Variants in ZFHX3 observed in about 807,000 individuals in gnomAD.
ZFHX3 encodes zinc finger homeobox 3.
A neutral mutation model predicts 279.1 loss-of-function variants in ZFHX3; 42 were observed. The ratio of observed to expected loss-of-function variants is 0.15; its 90% CI spans 0.12 to 0.19. The LOEUF (loss-of-function observed/expected upper bound fraction) is 0.19. Among genes scored for constraint, ZFHX3 ranks in the 10% least tolerant of loss-of-function variants. The pLI is 1.00. For synonymous variants in ZFHX3, 2,293 were observed against 1,957.8 expected, an observed-to-expected ratio of 1.17 and a Z score of -4.52; for missense variants, 4,981 against 4,754.0, an observed-to-expected ratio of 1.05 and a Z score of -1.40.
intron 5 of ZFHX3, among the ~76,000 whole-genome samples, chr16:73,179,765 G>T (rs111451223): frequency 0.016 from 2,416 of 152,244 alleles, 41 homozygotes; most frequent in Non-Finnish European, 0.022. Flanking sequence ...AATCCACTGG[G>T]CCCTATCAGT....
chr16:73,370,792 A>C (rs1350677317), intron 3 of ZFHX3, among the ~76,000 whole-genome samples: 1 of 152,164 alleles, frequency 6.6e-6, no homozygotes, highest in Non-Finnish European at 1.5e-5. Context: ...TGAATGCTTA[A>C]AAACTCAACC....
chr16:73,243,039 G>T (rs2013171651), intron 5 of ZFHX3, among the ~76,000 whole-genome samples: 1 of 152,208 alleles, frequency 6.6e-6, no homozygotes, highest in Non-Finnish European at 1.5e-5. Context: ...GGAGTGTGTG[G>T]TTAAATGAGT....
chr16:73,168,963 G>A (rs932255410), intron 5 of ZFHX3, among the ~76,000 whole-genome samples: 3 of 152,030 alleles, frequency 2.0e-5, no homozygotes, highest in African/African-American at 4.8e-5. Flanking sequence ...CCTTATCTGC[G>A]ACTCCAAACT....
intron 2 of ZFHX3, among the ~76,000 whole-genome samples, chr16:73,480,470 AGG>A (rs2018846028): frequency 6.6e-6 from 1 of 152,182 alleles, no homozygotes; most frequent in Non-Finnish European, 1.5e-5. Context: ...GCCACTGCTA[AGG>A]ATGAGGCAAA....
intron 3 of ZFHX3, among the ~76,000 whole-genome samples, chr16:73,369,471 C>A (rs975913041): frequency 6.6e-6 from 1 of 152,220 alleles, no homozygotes; most frequent in Non-Finnish European, 1.5e-5. Flanking sequence ...GCCTTAGCTA[C>A]AATCTGTGGT....
chr16:73,270,030 G>A (rs1183397445), intron 4 of ZFHX3, among the ~76,000 whole-genome samples: 2 of 152,112 alleles, frequency 1.3e-5, no homozygotes, highest in Non-Finnish European at 2.9e-5. Flanking sequence ...TTACAGGTAC[G>A]AGCCACCATG....
At chr16:73,272,963 T>C (rs2014190567) in intron 4 of ZFHX3, among the ~76,000 whole-genome samples, 2 of 152,036 alleles carry the variant, frequency 1.3e-5, no homozygotes, top group South Asian at 4.1e-4. Flanking sequence ...CCTGGGCTGG[T>C]CTTGAACTAC....
intron 1 of ZFHX3, among the ~76,000 whole-genome samples, chr16:73,805,950 T>C (rs936988313): frequency 6.6e-6 from 1 of 152,138 alleles, no homozygotes; most frequent in African/African-American, 2.4e-5. Context: ...TAAAGACAAC[T>C]GCGACTGGGT....
chr16:72,902,225 G>T (rs545975593), intron 3 of ZFHX3, among the ~76,000 whole-genome samples: 1 of 152,180 alleles, frequency 6.6e-6, no homozygotes, highest in South Asian at 2.1e-4. Flanking sequence ...CATCCTAACG[G>T]ATGACAGAGT....
At chr16:73,655,619 G>A (rs541497107) in intron 2 of ZFHX3, among the ~76,000 whole-genome samples, 5 of 152,128 alleles carry the variant, frequency 3.3e-5, no homozygotes, top group East Asian at 1.9e-4. Flanking sequence ...TAATAATTAT[G>A]GTTATGCAAA....
At chr16:73,009,249 T>C (rs1214994505) in intron 1 of ZFHX3, among the ~76,000 whole-genome samples, 2 of 152,120 alleles carry the variant, frequency 1.3e-5, no homozygotes, top group African/African-American at 2.4e-5. Flanking sequence ...ACTCCATAAA[T>C]CAGTTTTCCA....
chr16:73,462,210 C>G (rs1430450677), intron 2 of ZFHX3, among the ~76,000 whole-genome samples: 2 of 152,134 alleles, frequency 1.3e-5, no homozygotes, highest in Admixed American at 6.5e-5. Context: ...ATCTTATGCC[C>G]TGTGACTTTG....
At chr16:73,282,293 T>A (rs1191018076) in intron 4 of ZFHX3, among the ~76,000 whole-genome samples, 1 of 152,184 alleles carries the variant, frequency 6.6e-6, no homozygotes, top group African/African-American at 2.4e-5. Flanking sequence ...GTGACTTGCA[T>A]TTTCTGCCTA....
intron 4 of ZFHX3, among the ~76,000 whole-genome samples, chr16:72,866,374 A>C (rs1300880778): frequency 6.6e-6 from 1 of 152,224 alleles, no homozygotes; most frequent in Non-Finnish European, 1.5e-5. Context: ...TTTTATAGGT[A>C]AAAGAATTGA....
intron 4 of ZFHX3, among the ~76,000 whole-genome samples, chr16:72,878,680 C>G (rs893263739): frequency 6.6e-6 from 1 of 152,244 alleles, no homozygotes; most frequent in Admixed American, 6.5e-5. Flanking sequence ...AATCCCACCC[C>G]TGGGGCAAAG....
At position 72,948,217 on chromosome 16, in the gene ZFHX3, C is replaced by T. The variant is rs181281284; in HGVS notation, c.3216+2252G>A. ...TAGACTAATGACCTTTGGCTCCTGACGGAGGCAATTCTGCCCTGAACCTCA... is the reference window on the plus strand; with the variant it reads ...TAGACTAATGACCTTTGGCTCCTGATGGAGGCAATTCTGCCCTGAACCTCA... On this transcript the variant is annotated intron_variant, in intron 3 of 9. Coordinates refer to ENST00000268489, the MANE Select transcript of ZFHX3 (RefSeq NM_006885.4). Among the ~76,000 whole-genome samples the T allele has an allele frequency of 5.6e-4, 86 of 152,302 alleles. 1 individual carries two copies. The highest frequency in any genetic ancestry group is 5.4e-3 in the South Asian group (26 of 4,828).
chr16:73,454,564 C>G (rs1323882711), intron 3 of ZFHX3, among the ~76,000 whole-genome samples: 1 of 108,458 alleles, frequency 9.2e-6, no homozygotes, highest in East Asian at 3.0e-4. Context: ...ACTCTCACAG[C>G]CAAATTTCTC....
chr16:73,494,027 C>T (rs1286643913), intron 2 of ZFHX3, among the ~76,000 whole-genome samples: 1 of 152,114 alleles, frequency 6.6e-6, no homozygotes, highest in East Asian at 1.9e-4. Flanking sequence ...CCATACTGGC[C>T]CTGCCTAGGT....
intron 1 of ZFHX3, among the ~76,000 whole-genome samples, chr16:73,771,252 G>A (rs73602037): frequency 0.017 from 2,641 of 152,200 alleles, 91 homozygotes; most frequent in African/African-American, 0.061. Context: ...ATTCAGTAGG[G>A]CCAGGATGAA....
Sources: allele counts gnomAD v4.1 joint callset (sites outside exome capture counted in the v4.1 genomes callset), GRCh38; gene constraint gnomAD v4.1.1; transcripts MANE v1.5; gene names NCBI Gene and HGNC (gene_info 2026-07-23, HGNC 2026-07-21).